Variants in THSD7A observed in about 807,000 individuals in gnomAD.
THSD7A encodes thrombospondin type 1 domain containing 7A.
THSD7A carries 96 observed loss-of-function variants against 231.3 expected under a neutral mutation model. The ratio of observed to expected loss-of-function variants is 0.41; its 90% CI spans 0.35 to 0.49. The LOEUF (loss-of-function observed/expected upper bound fraction) is 0.49. Ranked by LOEUF, THSD7A falls within the 20% of genes least tolerant of loss-of-function variation. THSD7A has a pLI of 0.05. For synonymous variants in THSD7A, 940 were observed against 743.3 expected (o/e 1.26, Z -4.30); for missense variants, 2,290 against 2,070.2 (o/e 1.11, Z -2.06).
At chr7:11,736,109 A>G (rs1252846872) in intron 1 of THSD7A, among the ~76,000 whole-genome samples, 1 of 151,984 alleles carries the variant, frequency 6.6e-6, no homozygotes, top group Non-Finnish European at 1.5e-5. Context: ...GCAAAGAACC[A>G]CAAAATACAG....
At chr7:11,475,412 G>A (rs1304723612) in intron 7 of THSD7A, among the ~76,000 whole-genome samples, 1 of 151,940 alleles carries the variant, frequency 6.6e-6, no homozygotes, top group Non-Finnish European at 1.5e-5. Context: ...GCAGAAACAG[G>A]CAGAAGACTG....
In THSD7A at chr7:11,423,216, A is replaced by G. The variant is rs114082579; in HGVS notation, c.3383+1480T>C. 8.1e-3 allele frequency among the ~76,000 whole-genome samples: 1,240 copies of G among 152,294 alleles called. 14 individuals are homozygous for G. Among genetic ancestry groups the G allele is most frequent in the African/African-American group, 0.024 (989 of 41,546 alleles). On this transcript the variant is annotated intron_variant, in intron 16 of 27. Transcript: ENST00000423059. The stretch of plus-strand genomic sequence containing the variant: ...CTTTTTATTAGACATAAAATTATAT[A>G]TAGGTCCATATGCAAAGGTTTTATA...
At chr7:11,696,946 A>G (rs772750326) in intron 1 of THSD7A, among the ~76,000 whole-genome samples, 21 of 151,568 alleles carry the variant, frequency 1.4e-4, no homozygotes, top group Admixed American at 3.3e-4. Context: ...TTCAATTAGA[A>G]GCTCAAGAAG....
rs761426182 is a variant in THSD7A at position 11,470,007 on chromosome 7, AG to A, written c.2253-14del. 11 of 1,522,844 alleles carry A rather than the reference AG, an allele frequency of 7.2e-6. No homozygotes were observed. Among genetic ancestry groups the A allele is most frequent in the African/African-American group, 1.4e-5 (1 of 73,248 alleles). 94.3% of individuals were successfully genotyped at this position (1,522,844 alleles called of 1,614,324 possible). Reference sequence around the variant, plus strand: ...GCTTTCAGGACATCTAGAAAGGCAAAGGGGAATTATTAGGCTTCAATAGTAA... The same window carrying A: ...GCTTTCAGGACATCTAGAAAGGCAAAGGGAATTATTAGGCTTCAATAGTAA... On this transcript the variant is annotated splice_polypyrimidine_tract_variant and intron_variant, in intron 8 of 27. Transcript: ENST00000423059.
At chr7:11,676,378 C>T (rs1658262693) in intron 1 of THSD7A, among the ~76,000 whole-genome samples, 1 of 152,122 alleles carries the variant, frequency 6.6e-6, no homozygotes, top group Non-Finnish European at 1.5e-5. Context: ...GATCACAATT[C>T]CTCACCAGCA....
At chr7:11,679,036 G>A (rs1040188168) in intron 1 of THSD7A, among the ~76,000 whole-genome samples, 24 of 152,092 alleles carry the variant, frequency 1.6e-4, no homozygotes, top group African/African-American at 5.1e-4. Flanking sequence ...ATGCAAGGCT[G>A]GTTCAACATA....
chr7:11,654,253 T>G (rs1419773106), intron 1 of THSD7A, among the ~76,000 whole-genome samples: 1 of 132,420 alleles, frequency 7.6e-6, no homozygotes, highest in Admixed American at 7.5e-5. Context: ...ATGGCAAATA[T>G]TTTTAAAAGT....
chr7:11,817,904 C>A (rs930347842), intron 1 of THSD7A, among the ~76,000 whole-genome samples: 2 of 151,464 alleles, frequency 1.3e-5, no homozygotes, highest in Non-Finnish European at 2.9e-5. Flanking sequence ...CAGGCAAATG[C>A]ACACAAACAT....
intron 1 of THSD7A, among the ~76,000 whole-genome samples, chr7:11,772,200 A>G (rs1783252980): frequency 1.6e-5 from 2 of 123,140 alleles, no homozygotes; most frequent in South Asian, 4.9e-4. Context: ...ATTATTAAAA[A>G]GTTAAAACAA....
chr7:11,390,130 TCTGTATTTC>T (rs1313169985), intron 23 of THSD7A, among the ~76,000 whole-genome samples: 1 of 152,220 alleles, frequency 6.6e-6, no homozygotes, highest in Non-Finnish European at 1.5e-5. Flanking sequence ...TGTGGTGTTC[TCTGTATTTC>T]CTGAATTTGA....
At chr7:11,440,269 C>T (rs182769848) in intron 13 of THSD7A, among the ~76,000 whole-genome samples, 43 of 152,090 alleles carry the variant, frequency 2.8e-4, no homozygotes, top group South Asian at 1.2e-3. Context: ...TTATTGACAA[C>T]GCATGTAGTC....
chr7:11,407,312 G>A lies in THSD7A; in HGVS notation c.3910C>T (p.Leu1304Phe), dbSNP rs375240025. The A allele has an allele frequency of 2.1e-5, 34 of 1,610,884 alleles. No individual in the cohort carries two copies. The highest frequency in any genetic ancestry group is 2.9e-5 in the Non-Finnish European group (34 of 1,177,902). The change falls in exon 20 of 28, where the codon CTC becomes TTC. Residue 1304 changes from leucine (L) to phenylalanine (F), a missense_variant. Physicochemically the swap from Leu to Phe is conservative, Grantham distance 22. Coordinates refer to ENST00000423059, the MANE Select transcript of THSD7A (RefSeq NM_015204.3). Reference sequence around the variant, plus strand: ...AGTTATGGTACAAACAAACCTGTGAGGCCACATGTTTGAGAACATTCTGAC... The same window carrying A: ...AGTTATGGTACAAACAAACCTGTGAAGCCACATGTTTGAGAACATTCTGAC... The part of the protein sequence containing the change: ...PWSECSQTCG[L>F]TGKMIRRRTV...
intron 1 of THSD7A, among the ~76,000 whole-genome samples, chr7:11,697,887 CAAATT>C (rs1780450691): frequency 6.6e-6 from 1 of 151,344 alleles, no homozygotes; most frequent in Admixed American, 6.6e-5. Context: ...CAATTAAATA[CAAATT>C]AAATTAAATA....
intron 1 of THSD7A, among the ~76,000 whole-genome samples, chr7:11,817,005 A>C (rs1025196081): frequency 2.0e-5 from 3 of 152,202 alleles, no homozygotes; most frequent in African/African-American, 7.2e-5. Flanking sequence ...GTGCTACACA[A>C]ATTTTAAAGA....
intron 1 of THSD7A, among the ~76,000 whole-genome samples, chr7:11,746,040 T>C (rs572834831): frequency 5.9e-5 from 9 of 152,188 alleles, no homozygotes; most frequent in South Asian, 4.2e-4. Context: ...TTGGGCAGTA[T>C]GGCCATTTTT....
chr7:11,497,462 T>C (rs1787149726), intron 6 of THSD7A, among the ~76,000 whole-genome samples: 1 of 152,122 alleles, frequency 6.6e-6, no homozygotes. Flanking sequence ...TAGGGGACAT[T>C]AGGAATAAGG....
At chr7:11,516,349 T>A (rs2128314719) in intron 6 of THSD7A, among the ~76,000 whole-genome samples, 1 of 152,330 alleles carries the variant, frequency 6.6e-6, no homozygotes, top group East Asian at 1.9e-4. Context: ...TTGATTAAGC[T>A]AATGTCCGTG....
Position 11,458,560 on chromosome 7 carries a change from G to A in THSD7A, c.2605+2102C>T, listed in dbSNP as rs148469215. On this transcript the variant is annotated intron_variant, in intron 11 of 27. Coordinates refer to ENST00000423059, the MANE Select transcript of THSD7A (RefSeq NM_015204.3). ...TAAGATTGCTGAGGTACAGCAAGTT[G>A]TTTGACAAATATGCCAAGATTAGGA... is the stretch of plus-strand genomic sequence containing the variant. Among the ~76,000 whole-genome samples the A allele has an allele frequency of 3.1e-3, 477 of 152,238 alleles. 4 individuals are homozygous for A. The highest frequency in any genetic ancestry group is 0.011 in the African/African-American group (463 of 41,540).
intron 1 of THSD7A, among the ~76,000 whole-genome samples, chr7:11,685,535 A>G (rs1467734498): frequency 6.6e-6 from 1 of 151,928 alleles, no homozygotes; most frequent in Non-Finnish European, 1.5e-5. Flanking sequence ...GAGGAAATAA[A>G]TAACTCTATT....
Sources: allele counts gnomAD v4.1 joint callset (sites outside exome capture counted in the v4.1 genomes callset), GRCh38; gene constraint gnomAD v4.1.1; transcripts MANE v1.5; gene names NCBI Gene and HGNC (gene_info 2026-07-23, HGNC 2026-07-21).